CASZ1: variants seen among roughly 807,000 people sequenced by gnomAD.
The protein encoded by CASZ1 is castor zinc finger 1, also known as zinc finger protein castor homolog 1.
Under a neutral mutation model 135.2 loss-of-function variants are expected in CASZ1, and 28 were observed. The ratio of observed to expected loss-of-function variants is 0.21; its 90% CI spans 0.15 to 0.28. The LOEUF (loss-of-function observed/expected upper bound fraction) is 0.28, where lower values mean the gene tolerates loss of function less well. Among genes scored for constraint, CASZ1 ranks in the 10% least tolerant of loss-of-function variants. The pLI, the probability that CASZ1 is intolerant of heterozygous loss-of-function variation, is 1.00. For missense variants in CASZ1, 2,161 were observed against 2,453.3 expected, an observed-to-expected ratio of 0.88 and a Z score of 2.52; for synonymous variants, 1,068 against 1,073.4, an observed-to-expected ratio of 0.99 and a Z score of 0.10.
At chr1:10,728,311 G>A (rs1336076357) in intron 2 of CASZ1, among the ~76,000 whole-genome samples, 1 of 152,126 alleles carries the variant, frequency 6.6e-6, no homozygotes, top group African/African-American at 2.4e-5. Flanking sequence ...CCACCCTCCC[G>A]CCCCCTCTGT....
chr1:10,787,321 T>G (rs1350269585), intron 1 of CASZ1, among the ~76,000 whole-genome samples: 1 of 152,140 alleles, frequency 6.6e-6, no homozygotes, highest in Non-Finnish European at 1.5e-5. Context: ...GAGTGGACAG[T>G]TAGACCTGAG....
rs545579610 is a variant in CASZ1 at position 10,717,785 on chromosome 1, G to A, written c.-76-12241C>T. 9.0e-4 allele frequency among the ~76,000 whole-genome samples: 137 copies of A among 152,318 alleles called. 1 individual carries two copies. Among genetic ancestry groups the A allele is most frequent in the African/African-American group, 3.1e-3 (128 of 41,568 alleles). ...GCTTCCTGACCCAACTCTGGAAGCC[G>A]AAGGGAGCTATGAATAGAGACGTCC... On this transcript the variant is annotated intron_variant, in intron 2 of 20. Transcript: ENST00000377022. This position sits in a 1 kb window ranked among gnomAD's most constrained non-coding sequence, Gnocchi z 4.6.
chr1:10,662,459 C>T (rs527778065), intron 5 of CASZ1, among the ~76,000 whole-genome samples: 4 of 151,956 alleles, frequency 2.6e-5, no homozygotes, highest in African/African-American at 4.8e-5. Context: ...CCCGCACATA[C>T]GCACAGTCAT....
chr1:10,671,120 C>T (rs569970126), intron 4 of CASZ1, among the ~76,000 whole-genome samples: 2 of 152,188 alleles, frequency 1.3e-5, no homozygotes, highest in Non-Finnish European at 2.9e-5. Context: ...AAAAGGTTCG[C>T]TATCCAGACG....
chr1:10,642,981 T>G lies in CASZ1; in HGVS notation c.4040A>C (p.Asp1347Ala). The G allele has an allele frequency of 1.2e-6, 2 of 1,612,878 alleles. No individual in the cohort carries two copies. The highest frequency in any genetic ancestry group is 2.2e-5 in the South Asian group (2 of 91,080). ...GTCCATGCACTCATCTGTCTCAGCA[T>G]CCATCAGGCCTGGGGGGCCCTGAAA... is the stretch of plus-strand genomic sequence containing the variant. ...PPSQGPPGLM[D>A]AETDECMDYT... is the part of the protein sequence containing the mutation. Residue 1347 changes from aspartate to alanine, a missense_variant, in exon 20 of 21, where the codon GAT becomes GCT. This residue lies in a region of CASZ1 where 143 missense variants were observed against 128.3 expected (regional missense o/e 1.11). Coordinates refer to ENST00000377022, the MANE Select transcript of CASZ1 (RefSeq NM_001079843.3).
At chr1:10,651,157 G>A (rs1642567724) in intron 11 of CASZ1, 81 bp from the exon 12 acceptor site, 36 of 1,210,242 alleles carry the variant, frequency 3.0e-5, no homozygotes, top group Non-Finnish European at 3.8e-5. Flanking sequence ...CCCCCTGGAG[G>A]GAGGGCAGTG....
chr1:10,653,212 C>G (rs1356238432), intron 11 of CASZ1, 165 bp downstream of exon 11: 1 of 771,158 alleles, frequency 1.3e-6, no homozygotes, highest in Non-Finnish European at 2.2e-6. Context: ...CACATAGAAA[C>G]CAACAGGATG....
At position 10,788,312 on chromosome 1, in the gene CASZ1, C is replaced by T. The variant is rs913030092; in HGVS notation, c.-234+8252G>A. On this transcript the variant is annotated intron_variant, in intron 1 of 20. Transcript: ENST00000377022. This position sits in a 1 kb window ranked among gnomAD's most constrained non-coding sequence, Gnocchi z 4.1. ...TCCCCTGGGTGACAGTTTGACAGCACTCTCCTCTCCCAGTGCAGAGGCAGG... is the reference window on the plus strand; with the variant it reads ...TCCCCTGGGTGACAGTTTGACAGCATTCTCCTCTCCCAGTGCAGAGGCAGG... 1.3e-5 allele frequency among the ~76,000 whole-genome samples: 2 copies of T among 152,154 alleles called. No individual in the cohort carries two copies. The highest frequency in any genetic ancestry group is 4.8e-5 in the African/African-American group (2 of 41,428).
At chr1:10,742,016 G>T in intron 2 of CASZ1, among the ~76,000 whole-genome samples, 1 of 151,988 alleles carries the variant, frequency 6.6e-6, no homozygotes, top group East Asian at 1.9e-4. Context: ...ACCCCACCAC[G>T]GCTGCTCGGT....
chr1:10,671,033 G>T (rs1487505938), intron 4 of CASZ1, among the ~76,000 whole-genome samples: 2 of 152,250 alleles, frequency 1.3e-5, no homozygotes, highest in East Asian at 1.9e-4. Flanking sequence ...CAACTTGGGT[G>T]GGGGGCATGC....
rs112302364 is a variant in CASZ1, at chr1:10,657,240, C to T, written c.1410-504G>A. Among the ~76,000 whole-genome samples, 4 of 152,366 alleles carry T rather than the reference C, an allele frequency of 2.6e-5. No individual in the cohort carries two copies. The highest frequency in any genetic ancestry group is 5.9e-5 in the Non-Finnish European group (4 of 68,024). On this transcript the variant is annotated intron_variant, in intron 7 of 20. Transcript: ENST00000377022. This position sits in a 1 kb window ranked among gnomAD's most constrained non-coding sequence, Gnocchi z 5.7. ...GCATCTGTTTGGCTTCCTACAGCAA[C>T]GAGCTCACTCTCCAGCCGCCGCCGC...
chr1:10,788,312 C>A lies in CASZ1; in HGVS notation c.-234+8252G>T, dbSNP rs913030092. 1.3e-5 allele frequency among the ~76,000 whole-genome samples: 2 copies of A among 152,154 alleles called. No homozygotes were observed. Among genetic ancestry groups the A allele is most frequent in the Non-Finnish European group, 2.9e-5 (2 of 68,032 alleles). On this transcript the variant is annotated intron_variant, in intron 1 of 20. Transcript: ENST00000377022. This position sits in a 1 kb window ranked among gnomAD's most constrained non-coding sequence, Gnocchi z 4.1. ...TCCCCTGGGTGACAGTTTGACAGCA[C>A]TCTCCTCTCCCAGTGCAGAGGCAGG... is the stretch of plus-strand genomic sequence containing the variant.
chr1:10,701,532 AG>A lies in CASZ1; in HGVS notation c.-24+3959del, dbSNP rs769981022. 2.0e-5 allele frequency among the ~76,000 whole-genome samples: 3 copies of A among 150,770 alleles called. No homozygotes were observed. The highest frequency in any genetic ancestry group is 2.9e-5 in the Non-Finnish European group (2 of 67,966). On this transcript the variant is annotated intron_variant, in intron 3 of 20. Transcript: ENST00000377022. This position sits in a 1 kb window ranked among gnomAD's most constrained non-coding sequence, Gnocchi z 6.3. ...TTCAGAGTGATGGAGTGATGGGAGG[AG>A]GGGGGGCGCGGTCAGAAGAAGGAGA... is the stretch of plus-strand genomic sequence containing the variant.
chr1:10,653,572 C>T lies in CASZ1; in HGVS notation c.2485G>A (p.Ala829Thr). ...SLLGAVSSGS[A>T]ASATPDTPTL... The stretch of plus-strand genomic sequence containing the variant: ...GGTGTGTCAGGGGTGGCTGAGGCTG[C>T]TGACCCAGACGACACGGCACCCAGG... The change falls in exon 11 of 21, where the codon GCA becomes ACA. Residue 829 changes from alanine (A) to threonine (T), a missense_variant. By Grantham distance (58) the Ala-to-Thr change is moderately conservative. Coordinates refer to ENST00000377022, the MANE Select transcript of CASZ1 (RefSeq NM_001079843.3). 6.4e-7 allele frequency: 1 copy of T among 1,570,204 alleles called. No individual in the cohort carries two copies. Among genetic ancestry groups the T allele is most frequent in the Non-Finnish European group, 8.6e-7 (1 of 1,156,072 alleles).
At chr1:10,652,262 T>G (rs1184079840) in intron 11 of CASZ1, 1 of 152,300 alleles carries the variant, frequency 6.6e-6, no homozygotes, top group Non-Finnish European at 1.5e-5. Context: ...GAACAGGGCA[T>G]CTAGGCCCAG....
intron 2 of CASZ1, among the ~76,000 whole-genome samples, chr1:10,715,095 G>C (rs892737648): frequency 1.3e-5 from 2 of 152,218 alleles, no homozygotes; most frequent in Non-Finnish European, 2.9e-5. Flanking sequence ...GTCCAGTTCA[G>C]AGTTACTCTC....
In CASZ1 at chr1:10,657,803, G is replaced by T. The variant is rs1358845356; in HGVS notation, c.1409+705C>A. On this transcript the variant is annotated intron_variant, in intron 7 of 20. Transcript: ENST00000377022. This position sits in a 1 kb window ranked among gnomAD's most constrained non-coding sequence, Gnocchi z 5.7. ...TCAGAGGGCAGGCGGTGGGGGGGTG[G>T]GGGCGGGGGGTGTTATTTGTGTGAT... Among the ~76,000 whole-genome samples the T allele has an allele frequency of 6.7e-6, 1 of 150,070 alleles. No individual in the cohort carries two copies. Among genetic ancestry groups the T allele is most frequent in the East Asian group, 2.0e-4 (1 of 5,016 alleles).
rs1209788242 is a variant in CASZ1, at chr1:10,638,879, G to C, written c.*63C>G. On this transcript the variant is annotated 3_prime_UTR_variant, in exon 21 of 21. Coordinates refer to ENST00000377022, the MANE Select transcript of CASZ1 (RefSeq NM_001079843.3). This position sits in a 1 kb window ranked among gnomAD's most constrained non-coding sequence, Gnocchi z 5.9. ...GGGCTCTGCCCAGGGGCCGCTTCGC[G>C]CGGGGCGGCGCCGCTCCCGAGGCCG... 16 of 981,584 alleles carry C rather than the reference G, an allele frequency of 1.6e-5. No individual in the cohort carries two copies. The highest frequency in any genetic ancestry group is 1.9e-5 in the Non-Finnish European group (16 of 828,426). 60.8% of individuals were successfully genotyped at this position (981,584 alleles called of 1,614,324 possible). A position where few individuals can be genotyped will look rare whatever the true frequency, so the allele number is the denominator to read the frequency against.
At chr1:10,665,639 C>G (rs766845852) in intron 4 of CASZ1, 68 bp from the exon 5 acceptor site, 38 of 1,451,320 alleles carry the variant, frequency 2.6e-5, no homozygotes, top group Non-Finnish European at 3.4e-5. Context: ...CCCTCCCGAA[C>G]AGCCCTGCAT....
Sources: gnomAD v4.1 joint callset for allele counts (sites outside exome capture counted in the v4.1 genomes callset) on GRCh38, gnomAD v4.1.1 for gene constraint, gnomAD v4.1.1 regional missense constraint, Gnocchi (gnomAD v3.1) non-coding constraint, MANE v1.5 for transcripts, NCBI Gene and HGNC (gene_info 2026-07-23, HGNC 2026-07-21) for gene names.